Variants in ANGPT2 observed in about 807,000 individuals in gnomAD.
ANGPT2 encodes angiopoietin-2.
In ANGPT2, 28 loss-of-function variants were observed where a neutral mutation model predicts 62.9. The observed-to-expected ratio is 0.44, with a 90% CI of 0.33 to 0.61. ANGPT2 has a LOEUF of 0.61. Among genes scored for constraint, ANGPT2 ranks in the 20% least tolerant of loss-of-function variants. The probability of loss-of-function intolerance (pLI) is 0.03; values close to 1 mark genes in which losing one functional copy is unlikely to be tolerated. For synonymous variants in ANGPT2, 284 were observed against 207.8 expected (o/e 1.37, Z -3.15); for missense variants, 727 against 594.9 (o/e 1.22, Z -2.31).
rs966741746 is a variant in ANGPT2, at chr8:6,502,805, T to G, written c.*296A>C. 1.0e-5 allele frequency: 4 copies of G among 392,336 alleles called. No homozygotes were observed. The highest frequency in any genetic ancestry group is 4.0e-5 in the African/African-American group (2 of 49,552). 24.3% of individuals were successfully genotyped at this position (392,336 alleles called of 1,614,324 possible). A position where few individuals can be genotyped will look rare whatever the true frequency, so the allele number is the denominator to read the frequency against. On this transcript the variant is annotated 3_prime_UTR_variant, in exon 9 of 9. Coordinates refer to ENST00000629816, the MANE Select transcript of ANGPT2 (RefSeq NM_001118887.2). Reference sequence around the variant, plus strand: ...TAAACTTGCACATAACATTCTTGGTTGTGACAGCAGCGTCTGTAAACTGTC... The same window carrying G: ...TAAACTTGCACATAACATTCTTGGTGGTGACAGCAGCGTCTGTAAACTGTC...
intron 6 of ANGPT2, among the ~76,000 whole-genome samples, chr8:6,514,455 C>T (rs146294951): frequency 1.3e-5 from 2 of 152,270 alleles, no homozygotes; most frequent in African/African-American, 4.8e-5. Context: ...TCCCAAAGTG[C>T]TGGGATTACA....
At chr8:6,531,144 T>C (rs964167634) in intron 2 of ANGPT2, among the ~76,000 whole-genome samples, 10 of 152,012 alleles carry the variant, frequency 6.6e-5, no homozygotes, top group African/African-American at 2.4e-4. Context: ...TCTGCATTTG[T>C]ACTGCTAATA....
chr8:6,537,219 G>A (rs943925625), intron 1 of ANGPT2, among the ~76,000 whole-genome samples: 4 of 152,146 alleles, frequency 2.6e-5, no homozygotes, highest in African/African-American at 7.2e-5. Context: ...TATCTGAAGA[G>A]GATTATTCCA....
rs1434479116 is a variant in ANGPT2, at chr8:6,505,924, A to G, written c.1328-2663T>C. Among the ~76,000 whole-genome samples the G allele has an allele frequency of 3.1e-3, 272 of 89,110 alleles. 13 individuals carry two copies. In the Middle Eastern group the frequency reaches 0.05, roughly 16 times the overall value. 58.5% of individuals were successfully genotyped at this position (89,110 alleles called of 152,430 possible). A position where few individuals can be genotyped will look rare whatever the true frequency, so the allele number is the denominator to read the frequency against. ...ATACATATTCTTTATATATGTATAT[A>G]TAAAAACATACATATTCTTTATATA... On this transcript the variant is annotated intron_variant, in intron 8 of 8. Transcript: ENST00000629816.
At chr8:6,559,093 C>G (rs1414122387) in intron 1 of ANGPT2, among the ~76,000 whole-genome samples, 1 of 152,142 alleles carries the variant, frequency 6.6e-6, no homozygotes, top group Non-Finnish European at 1.5e-5. Flanking sequence ...GGTTCTTGTC[C>G]TCCGCAGGAG....
At chr8:6,544,753 G>C (rs774988374) in intron 1 of ANGPT2, among the ~76,000 whole-genome samples, 7 of 152,174 alleles carry the variant, frequency 4.6e-5, no homozygotes, top group East Asian at 1.9e-4. Context: ...ACAGCATTTA[G>C]AGTTACACTT....
At chr8:6,522,764 A>T in intron 3 of ANGPT2, among the ~76,000 whole-genome samples, 1 of 148,890 alleles carries the variant, frequency 6.7e-6, no homozygotes, top group Non-Finnish European at 1.5e-5. Flanking sequence ...ACAGAGCGAG[A>T]CATCGTCTCA....
At chr8:6,528,670 C>T (rs1818851447) in intron 2 of ANGPT2, among the ~76,000 whole-genome samples, 1 of 152,244 alleles carries the variant, frequency 6.6e-6, no homozygotes, top group Non-Finnish European at 1.5e-5. Context: ...TGCCCTTCAG[C>T]AGGAAGAATC....
At chr8:6,549,673 A>T (rs942619405) in intron 1 of ANGPT2, among the ~76,000 whole-genome samples, 49 of 135,398 alleles carry the variant, frequency 3.6e-4, no homozygotes, top group African/African-American at 1.4e-3. Flanking sequence ...CCTGCAGGGG[A>T]AGAAGCCTTC....
chr8:6,525,054 T>G (rs1466587675), intron 3 of ANGPT2, among the ~76,000 whole-genome samples: 1 of 152,262 alleles, frequency 6.6e-6, no homozygotes, highest in Non-Finnish European at 1.5e-5. Context: ...CTCGGGCCCC[T>G]TTTAGTTCGA....
chr8:6,529,598 A>G (rs1819060222), intron 2 of ANGPT2, among the ~76,000 whole-genome samples: 1 of 150,730 alleles, frequency 6.6e-6, no homozygotes, highest in African/African-American at 2.4e-5. Flanking sequence ...CTGGGTCTAT[A>G]AGTGCACACA....
In ANGPT2 at chr8:6,562,895, C is replaced by G. The variant is rs1825774587; in HGVS notation, c.40G>C (p.Val14Leu). Residue 14 changes from valine to leucine, a missense_variant, in exon 1 of 9, where the codon GTC becomes CTC. Coordinates refer to ENST00000629816, the MANE Select transcript of ANGPT2 (RefSeq NM_001118887.2). ...IVFFTLSCDL[V>L]LAAAYNNFRK... is the part of the protein sequence containing the mutation. ...AAGTTGTTATAGGCTGCGGCCAAGA[C>G]AAGATCACAGCTCAGAGTAAAGAAA... 2 of 1,607,732 alleles carry G rather than the reference C, an allele frequency of 1.2e-6. No individual in the cohort carries two copies. The highest frequency in any genetic ancestry group is 4.5e-5 in the East Asian group (2 of 44,652).
Position 6,531,274 on chromosome 8 carries a change from T to C in ANGPT2, c.444+1058A>G, listed in dbSNP as rs1158246309. 2.0e-5 allele frequency among the ~76,000 whole-genome samples: 3 copies of C among 147,192 alleles called. 1 individual carries two copies. The highest frequency in any genetic ancestry group is 4.5e-5 in the Non-Finnish European group (3 of 67,314). ...TCCTATTTTGCTGTTATTTTACTAG[T>C]TTCTTTCTTTCTTTCTTTCTTTTTT... On this transcript the variant is annotated intron_variant, in intron 2 of 8. Transcript: ENST00000629816.
chr8:6,522,109 A>G (rs183466814), intron 3 of ANGPT2, among the ~76,000 whole-genome samples: 129 of 152,328 alleles, frequency 8.5e-4, no homozygotes, highest in African/African-American at 2.8e-3. Flanking sequence ...TAATCCCAGC[A>G]CTTTGGGAGG....
At chr8:6,538,784 G>A (rs1820968909) in intron 1 of ANGPT2, among the ~76,000 whole-genome samples, 1 of 152,216 alleles carries the variant, frequency 6.6e-6, no homozygotes, top group Admixed American at 6.5e-5. Context: ...AGAGTGAACA[G>A]AATCCTCAAA....
chr8:6,528,711 T>C (rs1409119869), intron 2 of ANGPT2, among the ~76,000 whole-genome samples: 14 of 152,230 alleles, frequency 9.2e-5, no homozygotes. Context: ...TCATGCTTAT[T>C]CAGGATGTGA....
chr8:6,513,384 G>C (rs943287923), intron 7 of ANGPT2, among the ~76,000 whole-genome samples: 4 of 147,268 alleles, frequency 2.7e-5, no homozygotes, highest in Non-Finnish European at 5.9e-5. Flanking sequence ...CCAGGTTGCA[G>C]TGCCGTGGCA....
At chr8:6,562,578 T>TTTTTTTTTTTTTTTAAA in intron 1 of ANGPT2, 69 bp downstream of exon 1, 40 of 880,184 alleles carry the variant, frequency 4.5e-5, no homozygotes, top group Non-Finnish European at 5.4e-5. Flanking sequence ...TTTTGGTTGT[T>TTTTTTTTTTTTTTTAAA]AAAACCTGAG....
rs1812109010 is a variant in ANGPT2 at position 6,501,195 on chromosome 8, C to T, written c.*1906G>A. ...ACAGAGCCTTGACTTTGCCAGAGTCCATCATTGACTCCAAATATGTAGCAA... is the reference window on the plus strand; with the variant it reads ...ACAGAGCCTTGACTTTGCCAGAGTCTATCATTGACTCCAAATATGTAGCAA... On this transcript the variant is annotated 3_prime_UTR_variant, in exon 9 of 9. Transcript: ENST00000629816. The T allele has an allele frequency of 1.3e-5, 2 of 152,158 alleles. No individual in the cohort carries two copies. Among genetic ancestry groups the T allele is most frequent in the Admixed American group, 1.3e-4 (2 of 15,276 alleles). The allele number at this position is 152,158 out of a possible 1,614,324, so 9.4% of individuals were successfully genotyped here. A position where few individuals can be genotyped will look rare whatever the true frequency, so the allele number is the denominator to read the frequency against.
Sources: gnomAD v4.1 joint callset for allele counts (sites outside exome capture counted in the v4.1 genomes callset) on GRCh38, gnomAD v4.1.1 for gene constraint, MANE v1.5 for transcripts, NCBI Gene and HGNC (gene_info 2026-07-23, HGNC 2026-07-21) for gene names.